ARFGEF3: variants seen among roughly 807,000 people sequenced by gnomAD.
ARFGEF3 encodes the protein ARFGEF family member 3.
ARFGEF3 carries 96 observed loss-of-function variants against 221.7 expected under a neutral mutation model. The ratio of observed to expected loss-of-function variants is 0.43; its 90% CI spans 0.37 to 0.51. The LOEUF (loss-of-function observed/expected upper bound fraction) is 0.51. Ranked by LOEUF, ARFGEF3 falls within the 20% of genes least tolerant of loss-of-function variation. ARFGEF3 has a pLI of 0.00. For missense variants in ARFGEF3, 2,410 were observed against 2,789.9 expected, an observed-to-expected ratio of 0.86 and a Z score of 3.07; for synonymous variants, 1,145 against 1,126.8, an observed-to-expected ratio of 1.02 and a Z score of -0.32.
chr6:138,194,095 C>T (rs1382752608), intron 2 of ARFGEF3, among the ~76,000 whole-genome samples: 1 of 152,008 alleles, frequency 6.6e-6, no homozygotes, highest in Non-Finnish European at 1.5e-5. Flanking sequence ...TGATGAAACC[C>T]CGTCTCTACT....
At chr6:138,261,969 G>A (rs1329498474) in intron 11 of ARFGEF3, among the ~76,000 whole-genome samples, 1 of 152,196 alleles carries the variant, frequency 6.6e-6, no homozygotes, top group Admixed American at 6.5e-5. Context: ...ATATTATAGG[G>A]CTTGTAATAG....
intron 12 of ARFGEF3, among the ~76,000 whole-genome samples, chr6:138,271,875 G>C (rs1162811730): frequency 6.6e-6 from 1 of 152,116 alleles, no homozygotes; most frequent in African/African-American, 2.4e-5. Flanking sequence ...TCTTTAAGCT[G>C]TTCTTCACAT....
chr6:138,175,938 C>T (rs1776936798), intron 2 of ARFGEF3, among the ~76,000 whole-genome samples: 1 of 152,210 alleles, frequency 6.6e-6, no homozygotes, highest in South Asian at 2.1e-4. Context: ...GTGTTGGGTA[C>T]ATATATATTA....
chr6:138,298,542 C>T, intron 21 of ARFGEF3, 64 bp from the exon 22 acceptor site: 1 of 1,397,632 alleles, frequency 7.2e-7, no homozygotes, highest in Non-Finnish European at 9.8e-7. Flanking sequence ...GTAGGAAAGC[C>T]TTCAGAAACC....
rs776477251 is a variant in ARFGEF3 at position 138,308,749 on chromosome 6, A to T, written c.3984A>T (p.Gln1328His). The change falls in exon 24 of 34, where the codon CAA (glutamine) becomes CAT (histidine). Residue 1328 changes from glutamine to histidine, a missense_variant. By Grantham distance (24) the Gln-to-His change is conservative (BLOSUM62 0). This residue lies in a region of ARFGEF3 where 723 missense variants were observed against 991.9 expected (regional missense o/e 0.73). Coordinates refer to ENST00000251691, the MANE Select transcript of ARFGEF3 (RefSeq NM_020340.5). ...LVGDYSMGKG[Q>H]APVFDVFEAF... ...ATCTTCCTCCCTTAGGAAAAGGCCA[A>T]GCTCCAGTGTTTGATGTATTTGAAG... 6.2e-7 allele frequency: 1 copy of T among 1,613,998 alleles called. No homozygotes were observed. Among genetic ancestry groups the T allele is most frequent in the Non-Finnish European group, 8.5e-7 (1 of 1,179,860 alleles).
chr6:138,293,439 A>T (rs1218553924), intron 19 of ARFGEF3, among the ~76,000 whole-genome samples: 1 of 152,170 alleles, frequency 6.6e-6, no homozygotes, highest in African/African-American at 2.4e-5. Flanking sequence ...CATATTGGGG[A>T]ACATTCTTTC....
Position 138,236,495 on chromosome 6 carries a change from G to A in ARFGEF3, c.421-2014G>A, listed in dbSNP as rs73774697. Among the ~76,000 whole-genome samples the A allele has an allele frequency of 7.8e-3, 1,188 of 152,270 alleles. 11 individuals carry two copies. Among genetic ancestry groups the A allele is most frequent in the African/African-American group, 0.026 (1,086 of 41,544 alleles). The stretch of plus-strand genomic sequence containing the variant: ...CATTTCAGGGTTAAAACACCTTTCA[G>A]GGGGTAGGTAGGGTCTCTGTCACCC... On this transcript the variant is annotated intron_variant, in intron 5 of 33. Transcript: ENST00000251691.
chr6:138,194,057 C>G (rs1467482215), intron 2 of ARFGEF3, among the ~76,000 whole-genome samples: 4 of 152,084 alleles, frequency 2.6e-5, no homozygotes, highest in Middle Eastern at 3.2e-3. Flanking sequence ...CACCTGAGGT[C>G]AGGAGTTCGA....
intron 5 of ARFGEF3, among the ~76,000 whole-genome samples, chr6:138,234,297 A>G (rs1210140984): frequency 6.6e-6 from 1 of 152,212 alleles, no homozygotes; most frequent in Non-Finnish European, 1.5e-5. Flanking sequence ...TAAGCCAAGA[A>G]GACCATAGAG....
chr6:138,285,908 T>C (rs1163493215), intron 14 of ARFGEF3, 38 bp from the exon 15 acceptor site: 7 of 1,325,444 alleles, frequency 5.3e-6, no homozygotes, highest in Non-Finnish European at 7.6e-6. Flanking sequence ...GACTGGAGTG[T>C]TTTATTTAGG....
intron 32 of ARFGEF3, among the ~76,000 whole-genome samples, 156 bp from the exon 33 acceptor site, chr6:138,333,814 A>G (rs1037136363): frequency 8.5e-5 from 13 of 152,222 alleles, no homozygotes; most frequent in African/African-American, 2.9e-4. Context: ...ACAGTGCCCA[A>G]AAAGTATGCC....
chr6:138,236,875 T>G (rs887106482), intron 5 of ARFGEF3, among the ~76,000 whole-genome samples: 6 of 152,240 alleles, frequency 3.9e-5, no homozygotes, highest in Non-Finnish European at 4.4e-5. Flanking sequence ...CCCTAAATAC[T>G]TTTATGAAAA....
chr6:138,174,067 T>A (rs1776891251), intron 2 of ARFGEF3, among the ~76,000 whole-genome samples: 1 of 152,126 alleles, frequency 6.6e-6, no homozygotes. Context: ...GGTGTTTTTT[T>A]AAAAACAATT....
intron 6 of ARFGEF3, 38 bp downstream of exon 6, chr6:138,238,669 G>C: frequency 6.2e-7 from 1 of 1,605,280 alleles, no homozygotes. Flanking sequence ...CACCTTCCTG[G>C]TGGTGTCTGT....
At chr6:138,330,004 T>TG (rs1383523020) in intron 32 of ARFGEF3, among the ~76,000 whole-genome samples, 5 of 150,314 alleles carry the variant, frequency 3.3e-5, no homozygotes, top group South Asian at 2.1e-4. Flanking sequence ...CAGGCAGGAG[T>TG]GGGGGTCACA....
intron 2 of ARFGEF3, among the ~76,000 whole-genome samples, chr6:138,190,952 A>G (rs80214559): frequency 2.0e-5 from 3 of 152,066 alleles, no homozygotes; most frequent in Non-Finnish European, 2.9e-5. Context: ...TATAATCCTT[A>G]TATTTGAGTC....
rs1190078428 is a variant in ARFGEF3, at chr6:138,263,280, TGACCAA to T, written c.1802_1807del (p.Gln601_Asp602del). 6.2e-7 allele frequency: 1 copy of T among 1,613,998 alleles called. No individual in the cohort carries two copies. The highest frequency in any genetic ancestry group is 1.7e-5 in the Admixed American group (1 of 60,032). On this transcript the variant is annotated inframe_deletion, in exon 12 of 34. Transcript: ENST00000251691. ...ATAGTGAGAGCAATTTTAGCGTTGA[TGACCAA>T]GACCTTTCTAGGACAGAGTTTGATT...
At chr6:138,233,838 C>T (rs1374684546) in intron 5 of ARFGEF3, among the ~76,000 whole-genome samples, 1 of 152,166 alleles carries the variant, frequency 6.6e-6, no homozygotes, top group Admixed American at 6.5e-5. Context: ...GTTATATTCT[C>T]TGCAAGACTG....
At position 138,291,822 on chromosome 6, in the gene ARFGEF3, C is replaced by A; in HGVS notation, c.3137C>A (p.Ala1046Asp). Residue 1046 changes from alanine (A) to aspartate (D), a missense_variant, in exon 19 of 34, where the codon GCC becomes GAC. This residue lies in a region of ARFGEF3 where 184 missense variants were observed against 141.8 expected (regional missense o/e 1.30). Coordinates refer to ENST00000251691, the MANE Select transcript of ARFGEF3 (RefSeq NM_020340.5). This position sits in a 1 kb window ranked among gnomAD's most constrained non-coding sequence, Gnocchi z 4.5. Reference sequence around the variant, plus strand: ...CTGACCATCAGCCAGCCCCAGAAGGCCACTGGAAGCGCTGGCCTCCTTGGG... The same window carrying A: ...CTGACCATCAGCCAGCCCCAGAAGGACACTGGAAGCGCTGGCCTCCTTGGG... ...PPLTISQPQKATGSAGLLGDP... is the reference protein window; with the variant it reads ...PPLTISQPQKDTGSAGLLGDP... 1 of 1,494,994 alleles carries A rather than the reference C, an allele frequency of 6.7e-7. No individual in the cohort carries two copies. The highest frequency in any genetic ancestry group is 8.9e-7 in the Non-Finnish European group (1 of 1,120,494). 92.6% of individuals were successfully genotyped at this position (1,494,994 alleles called of 1,614,324 possible).
Sources: gnomAD v4.1 joint callset for allele counts (sites outside exome capture counted in the v4.1 genomes callset) on GRCh38, gnomAD v4.1.1 for gene constraint, gnomAD v4.1.1 regional missense constraint, Gnocchi (gnomAD v3.1) non-coding constraint, MANE v1.5 for transcripts, NCBI Gene and HGNC (gene_info 2026-07-23, HGNC 2026-07-21) for gene names.